Variants in GABRR2 observed in about 807,000 individuals in gnomAD.
The protein encoded by GABRR2 is gamma-aminobutyric acid receptor subunit rho-2.
A neutral mutation model predicts 47.0 loss-of-function variants in GABRR2; 36 were observed. The ratio of observed to expected loss-of-function variants is 0.77; its 90% confidence interval spans 0.59 to 1.01. The LOEUF is 1.01. Among genes scored for constraint, GABRR2 ranks in the 50% least tolerant of loss-of-function variants. The pLI, the probability that GABRR2 is intolerant of heterozygous loss-of-function variation, is 0.00. For missense variants in GABRR2, 587 were observed against 594.6 expected (o/e 0.99, Z 0.13); for synonymous variants, 204 against 227.5 (o/e 0.90, Z 0.93).
chr6:89,309,010 A>G (rs1373736168), intron 1 of GABRR2, among the ~76,000 whole-genome samples: 1 of 152,144 alleles, frequency 6.6e-6, no homozygotes, highest in Non-Finnish European at 1.5e-5. Context: ...GTTGGAATAG[A>G]GGGCTGTTTA....
At chr6:89,279,120 C>T (rs751376093) in intron 2 of GABRR2, among the ~76,000 whole-genome samples, 10 of 152,180 alleles carry the variant, frequency 6.6e-5, no homozygotes, top group Non-Finnish European at 1.2e-4. Flanking sequence ...AGCCAGCTCC[C>T]GAGCAGGGTG....
intron 2 of GABRR2, among the ~76,000 whole-genome samples, chr6:89,292,761 A>AT (rs1774478641): frequency 1.5e-4 from 8 of 53,062 alleles, no homozygotes; most frequent in East Asian, 1.3e-3. Flanking sequence ...TATCGTATAT[A>AT]CGATATATCG....
chr6:89,268,883 C>T, intron 4 of GABRR2, 128 bp downstream of exon 4: 1 of 734,000 alleles, frequency 1.4e-6, no homozygotes, highest in Non-Finnish European at 2.3e-6. Flanking sequence ...TTCTGACTAG[C>T]ATCAGAAGGC....
rs1295610068 is a variant in GABRR2, at chr6:89,255,682, A to G, written c.*1988T>C. Among the ~76,000 whole-genome samples the G allele has an allele frequency of 2.0e-5, 3 of 152,090 alleles. No homozygotes were observed. The highest frequency in any genetic ancestry group is 1.5e-5 in the Non-Finnish European group (1 of 68,018). The stretch of plus-strand genomic sequence containing the variant: ...CTTATCACAGCCTAGGATCCTGCCA[A>G]AATGAATGACTTGCCCACAAACCCT... On this transcript the variant is annotated 3_prime_UTR_variant, in exon 9 of 9. Transcript: ENST00000402938.
Position 89,264,606 on chromosome 6 carries a change from T to C in GABRR2, c.892A>G (p.Ile298Val). Residue 298 changes from isoleucine to valine, a missense_variant and splice_region_variant, in exon 8 of 9, where the codon ATC becomes GTC. Transcript: ENST00000402938. The stretch of plus-strand genomic sequence containing the variant: ...GTGGTCATGGTCAGCACCGTCGTGA[T>C]ACCTGCAACACCCGGCCTTAGTTGG... ...RAVPARVSLG[I>V]TTVLTMTTII... 1 of 1,614,108 alleles carries C rather than the reference T, an allele frequency of 6.2e-7. No homozygotes were observed. Among genetic ancestry groups the C allele is most frequent in the Non-Finnish European group, 8.5e-7 (1 of 1,179,972 alleles).
At chr6:89,265,941 T>C (rs1773885632) in intron 6 of GABRR2, among the ~76,000 whole-genome samples, 176 bp from the exon 7 acceptor site, 1 of 152,258 alleles carries the variant, frequency 6.6e-6, no homozygotes, top group Non-Finnish European at 1.5e-5. Context: ...CTTTCTCCTA[T>C]ATATAAATAT....
intron 1 of GABRR2, among the ~76,000 whole-genome samples, chr6:89,306,732 G>A (rs549785897): frequency 1.3e-5 from 2 of 151,602 alleles, no homozygotes; most frequent in Non-Finnish European, 2.9e-5. Flanking sequence ...CACTAAAGCA[G>A]TCAGATCCAA....
chr6:89,268,138 A>G (rs1415672237), intron 4 of GABRR2, 42 bp from the exon 5 acceptor site: 1 of 1,460,874 alleles, frequency 6.8e-7, no homozygotes, highest in Admixed American at 1.9e-5. Flanking sequence ...GCGGTGAATT[A>G]TTGGCTCCTA....
chr6:89,270,074 A>C (rs1774012936), intron 3 of GABRR2, among the ~76,000 whole-genome samples: 1 of 152,234 alleles, frequency 6.6e-6, no homozygotes, highest in Non-Finnish European at 1.5e-5. Flanking sequence ...GGGATAGTGC[A>C]TGCATGAGAG....
At chr6:89,263,696 T>C (rs1773808408) in intron 8 of GABRR2, among the ~76,000 whole-genome samples, 1 of 152,238 alleles carries the variant, frequency 6.6e-6, no homozygotes, top group African/African-American at 2.4e-5. Flanking sequence ...CTAATTTTTG[T>C]ATTTTTAGTA....
At chr6:89,305,622 T>A (rs932513996) in intron 1 of GABRR2, among the ~76,000 whole-genome samples, 1 of 151,110 alleles carries the variant, frequency 6.6e-6, no homozygotes, top group Non-Finnish European at 1.5e-5. Flanking sequence ...AGACCCTGTC[T>A]CACACACACA....
At chr6:89,299,886 C>A (rs1774637233) in intron 1 of GABRR2, 21 bp from the exon 2 acceptor site, 2 of 1,509,622 alleles carry the variant, frequency 1.3e-6, no homozygotes, top group South Asian at 1.1e-5. Context: ...AAGCAAGAAA[C>A]TATTTTCCAT....
intron 1 of GABRR2, among the ~76,000 whole-genome samples, chr6:89,307,966 G>A (rs574602157): frequency 2.0e-5 from 3 of 151,942 alleles, no homozygotes; most frequent in South Asian, 4.2e-4. Flanking sequence ...ACAGGCACCC[G>A]CCACCACACC....
In GABRR2 at chr6:89,296,866, G is replaced by A. The variant is rs946225704; in HGVS notation, c.220+2893C>T. Among the ~76,000 whole-genome samples, 8 of 152,324 alleles carry A rather than the reference G, an allele frequency of 5.3e-5. No homozygotes were observed. The East Asian group carries it at 5.8e-4, about 11-fold the overall frequency. The stretch of plus-strand genomic sequence containing the variant: ...GTGGGAGCATTTTCATAAGGCTTTC[G>A]CTTTTGCAGCTGATGTCACAAAAGA... On this transcript the variant is annotated intron_variant, in intron 2 of 8. Transcript: ENST00000402938.
intron 2 of GABRR2, among the ~76,000 whole-genome samples, chr6:89,293,167 CATT>C (rs1286098579): frequency 1.3e-5 from 2 of 151,994 alleles, no homozygotes; most frequent in Non-Finnish European, 2.9e-5. Context: ...ACCTTGAAGA[CATT>C]ATGCTAGATG....
chr6:89,305,931 T>C (rs567112802), intron 1 of GABRR2, among the ~76,000 whole-genome samples: 2 of 152,160 alleles, frequency 1.3e-5, no homozygotes, highest in Admixed American at 1.3e-4. Flanking sequence ...AGTCTGCATG[T>C]ATACCCCTGA....
chr6:89,302,752 T>A, intron 1 of GABRR2: 1 of 1,427,256 alleles, frequency 7.0e-7, no homozygotes, highest in Non-Finnish European at 9.7e-7. Flanking sequence ...GACGAGCAGA[T>A]GCTGTCCATC....
At chr6:89,269,510 T>C (rs1773995117) in intron 3 of GABRR2, among the ~76,000 whole-genome samples, 1 of 152,238 alleles carries the variant, frequency 6.6e-6, no homozygotes, top group South Asian at 2.1e-4. Context: ...CCTGGCCTGG[T>C]GGCCAGTGGG....
At chr6:89,301,882 G>A (rs895456034) in intron 1 of GABRR2, 2 of 1,148,452 alleles carry the variant, frequency 1.7e-6, no homozygotes, top group East Asian at 2.4e-5. Flanking sequence ...AGACCCCAGC[G>A]GCAACTACGT....
Sources: allele counts gnomAD v4.1 joint callset (sites outside exome capture counted in the v4.1 genomes callset), GRCh38; gene constraint gnomAD v4.1.1; transcripts MANE v1.5; gene names NCBI Gene and HGNC (gene_info 2026-07-23, HGNC 2026-07-21).